Variants in TSPAN4 observed in about 807,000 individuals in gnomAD.
The protein encoded by TSPAN4 is tetraspanin-4.
A neutral mutation model predicts 31.5 loss-of-function variants in TSPAN4; 38 were observed. The ratio of observed to expected loss-of-function variants is 1.21; its 90% CI spans 0.93 to 1.58. TSPAN4 has a LOEUF of 1.58. Ranked by LOEUF, TSPAN4 falls within the 40% of genes most tolerant of loss-of-function variation. TSPAN4 has a pLI of 0.00. For missense variants in TSPAN4, 330 were observed against 317.3 expected (o/e 1.04, Z -0.30); for synonymous variants, 186 against 144.6 (o/e 1.29, Z -2.06).
intron 1 of TSPAN4, chr11:844,501 G>A (rs1026371400): frequency 6.6e-6 from 1 of 152,256 alleles, no homozygotes; most frequent in Non-Finnish European, 1.5e-5. Flanking sequence ...ACATATGTGC[G>A]GAGGCCCCTG....
chr11:850,002 G>C (rs1847568296), intron 2 of TSPAN4: 1 of 179,106 alleles, frequency 5.6e-6, no homozygotes, highest in African/African-American at 2.4e-5. Flanking sequence ...GGGGCGCTGA[G>C]CGGCGGCCCC....
In TSPAN4 at chr11:848,091, A is replaced by G. The variant is rs1232147000; in HGVS notation, c.-18+791A>G. Among the ~76,000 whole-genome samples the G allele has an allele frequency of 6.6e-6, 1 of 152,118 alleles. No individual in the cohort carries two copies. The highest frequency in any genetic ancestry group is 2.4e-5 in the African/African-American group (1 of 41,398). ...CCCAGGTCACATGTGAGCTCCCTGG[A>G]GGCGCTGCACACGGCTGAGTGTCTG... On this transcript the variant is annotated intron_variant, in intron 2 of 8. Transcript: ENST00000397397. The surrounding 1 kb of genome is among the most constrained non-coding windows in gnomAD (Gnocchi z 5.7).
Position 862,740 on chromosome 11 carries a change from C to G in TSPAN4, c.254C>G (p.Thr85Ser), listed in dbSNP as rs777872312. 6.2e-7 allele frequency: 1 copy of G among 1,608,736 alleles called. No homozygotes were observed. Among genetic ancestry groups the G allele is most frequent in the South Asian group, 1.1e-5 (1 of 90,504 alleles). Residue 85 changes from threonine to serine, a missense_variant and splice_region_variant, in exon 4 of 9, where the codon ACT (threonine) becomes AGT (serine). Coordinates refer to ENST00000397397, the MANE Select transcript of TSPAN4 (RefSeq NM_003271.5). ...AIKENKCLLL[T>S]FFLLLLLVFL... is the part of the protein sequence containing the mutation. ...AAGGAGAACAAGTGCCTCCTGCTCA[C>G]TGTGAGTGCCGGGGCCCAAGCGATG...
rs917827793 is a variant in TSPAN4 at position 848,658 on chromosome 11, C to T, written c.-18+1358C>T. Among the ~76,000 whole-genome samples the T allele has an allele frequency of 6.6e-6, 1 of 152,212 alleles. No homozygotes were observed. The highest frequency in any genetic ancestry group is 2.4e-5 in the African/African-American group (1 of 41,452). On this transcript the variant is annotated intron_variant, in intron 2 of 8. Coordinates refer to ENST00000397397, the MANE Select transcript of TSPAN4 (RefSeq NM_003271.5). The surrounding 1 kb of genome is among the most constrained non-coding windows in gnomAD (Gnocchi z 5.7). ...CAGCCCTGCCATGGAGCACCCCCTT[C>T]CCCTCCCTTAGCTTCCTCTCCCTCC...
chr11:847,525 G>T (rs991486605), intron 2 of TSPAN4, among the ~76,000 whole-genome samples: 2 of 152,126 alleles, frequency 1.3e-5, no homozygotes, highest in African/African-American at 4.8e-5. Context: ...CTGACACTGT[G>T]CCTTGCCCGG....
intron 4 of TSPAN4, chr11:863,998 C>G (rs1848624614): frequency 4.8e-6 from 1 of 209,600 alleles, no homozygotes; most frequent in Non-Finnish European, 9.8e-6. Context: ...GCCTCTGCAG[C>G]CCAGCTGTGG....
chr11:865,648 TG>T, intron 6 of TSPAN4, 34 bp downstream of exon 6: 2 of 1,573,140 alleles, frequency 1.3e-6, no homozygotes, highest in Non-Finnish European at 8.6e-7. Flanking sequence ...GGTCGGCGGG[TG>T]CCCCCTCCCC....
intron 3 of TSPAN4, among the ~76,000 whole-genome samples, chr11:861,600 T>C (rs967620554): frequency 1.3e-5 from 2 of 152,208 alleles, no homozygotes; most frequent in East Asian, 1.9e-4. Flanking sequence ...TAGTCCCAGC[T>C]ACTCGGGAGG....
chr11:861,253 C>T (rs1195749186), intron 3 of TSPAN4, among the ~76,000 whole-genome samples: 1 of 152,240 alleles, frequency 6.6e-6, no homozygotes, highest in African/African-American at 2.4e-5. Context: ...GGAGGTGGCC[C>T]TCCGGGTGGC....
chr11:851,342 C>G (rs940416917), intron 3 of TSPAN4, among the ~76,000 whole-genome samples: 1 of 152,186 alleles, frequency 6.6e-6, no homozygotes, highest in African/African-American at 2.4e-5. Context: ...GAACCAGCTC[C>G]TGCAGCTGGG....
At chr11:849,057 C>A in intron 2 of TSPAN4, 1 of 589,476 alleles carries the variant, frequency 1.7e-6, no homozygotes, top group Admixed American at 3.1e-5. Context: ...AAGACGGGAA[C>A]AGCAGAGCAT....
rs1848876941 is a variant in TSPAN4, at chr11:866,764, G to A, written c.*134G>A. 9 of 941,738 alleles carry A rather than the reference G, an allele frequency of 9.6e-6. No homozygotes were observed. The highest frequency in any genetic ancestry group is 1.4e-5 in the Non-Finnish European group (9 of 653,538). The allele number at this position is 941,738 out of a possible 1,614,324, so 58.3% of individuals were successfully genotyped here. A position where few individuals can be genotyped will look rare whatever the true frequency, so the allele number is the denominator to read the frequency against. ...AGGGAGGGAGGGACAGGTGCCTGGA[G>A]CCCCCGGAACCCTGTTTCTGGAAGG... On this transcript the variant is annotated 3_prime_UTR_variant, in exon 9 of 9. Transcript: ENST00000397397.
chr11:865,360 G>A (rs545552106), intron 5 of TSPAN4, 153 bp from the exon 6 acceptor site: 11 of 634,358 alleles, frequency 1.7e-5, no homozygotes, highest in Non-Finnish European at 2.5e-5. Context: ...GGAGGACATG[G>A]GGCCGGTGTG....
rs186280022 is a variant in TSPAN4, at chr11:862,828, C to T, written c.255+87C>T. On this transcript the variant is annotated intron_variant, in intron 4 of 8. Coordinates refer to ENST00000397397, the MANE Select transcript of TSPAN4 (RefSeq NM_003271.5). ...CCCCAGGCCTTGGCTGCCGCAGTGA[C>T]CCCCCAGACGTGGGCACCACCTCTG... 13 of 1,364,932 alleles carry T rather than the reference C, an allele frequency of 9.5e-6. No homozygotes were observed. The African/African-American group carries it at 1.6e-4, about 17-fold the overall frequency. The allele number at this position is 1,364,932 out of a possible 1,614,324, so 84.6% of individuals were successfully genotyped here.
At position 865,771 on chromosome 11, in the gene TSPAN4, C is replaced by A; in HGVS notation, c.510C>A (p.Cys170Ter). The change falls in exon 7 of 9, where the codon TGC (cysteine) becomes TGA (stop). Residue 170 changes from cysteine to a stop codon, truncating the protein, a stop_gained. Transcript: ENST00000397397. LOFTEE classifies it high-confidence loss of function. ...CCACGCGGGTACCTGACTCCTGCTGCTTGGAGTTCAGTGAGAGCTGTGGGC... is the reference window on the plus strand; with the variant it reads ...CCACGCGGGTACCTGACTCCTGCTGATTGGAGTTCAGTGAGAGCTGTGGGC... ...YNATRVPDSC[C>*]LEFSESCGLH... 6.2e-7 allele frequency: 1 copy of A among 1,612,956 alleles called. No individual in the cohort carries two copies. The highest frequency in any genetic ancestry group is 1.1e-5 in the South Asian group (1 of 90,986).
intron 2 of TSPAN4, among the ~76,000 whole-genome samples, chr11:849,205 GGGCT>G (rs1847484687): frequency 6.6e-6 from 1 of 152,076 alleles, no homozygotes; most frequent in African/African-American, 2.4e-5. Flanking sequence ...GCCTCCTGCG[GGGCT>G]GCCTGGTGGA....
chr11:864,637 C>A, intron 5 of TSPAN4, 126 bp downstream of exon 5: 2 of 1,228,512 alleles, frequency 1.6e-6, no homozygotes, highest in Non-Finnish European at 2.3e-6. Flanking sequence ...GCCAGGACAG[C>A]GGGTGTGGAT....
intron 1 of TSPAN4, among the ~76,000 whole-genome samples, chr11:845,447 C>T (rs1317187272): frequency 4.6e-5 from 7 of 152,118 alleles, no homozygotes; most frequent in Admixed American, 4.6e-4. Context: ...GTAGATGGGG[C>T]CGAGACTGAA....
chr11:847,818 TCCCA>T (rs1244903796), intron 2 of TSPAN4, among the ~76,000 whole-genome samples: 1 of 151,866 alleles, frequency 6.6e-6, no homozygotes, highest in Non-Finnish European at 1.5e-5. Flanking sequence ...CCCTTCGCCC[TCCCA>T]CCCGCCTGGG....
Sources: allele counts gnomAD v4.1 joint callset (sites outside exome capture counted in the v4.1 genomes callset), GRCh38; gene constraint gnomAD v4.1.1; non-coding constraint Gnocchi (gnomAD v3.1); transcripts MANE v1.5; gene names NCBI Gene and HGNC (gene_info 2026-07-23, HGNC 2026-07-21).